Variants in DMD observed in about 807,000 individuals in gnomAD.
DMD encodes mutant dystrophin.
A neutral mutation model predicts 330.1 loss-of-function variants in DMD; 63 were observed. The observed-to-expected ratio is 0.19, with a 90% CI of 0.16 to 0.24. The LOEUF is 0.24. Among genes scored for constraint, DMD ranks in the 10% least tolerant of loss-of-function variants. The pLI, the probability that DMD is intolerant of heterozygous loss-of-function variation, is 1.00. For missense variants in DMD, 3,344 were observed against 2,684.1 expected, an observed-to-expected ratio of 1.25 and a Z score of -5.43; for synonymous variants, 1,223 against 959.8, an observed-to-expected ratio of 1.27 and a Z score of -5.07.
chrX:33,336,739 A>G (rs1202211567), intron 1 of DMD, among the ~76,000 whole-genome samples: 2 of 111,200 alleles, frequency 1.8e-5, no homozygotes, highest in Non-Finnish European at 1.9e-5. Context: ...CACACCTTCT[A>G]TTTTTATGCA....
intron 39 of DMD, among the ~76,000 whole-genome samples, chrX:32,344,802 T>A (rs916925573): frequency 8.9e-6 from 1 of 111,957 alleles, no homozygotes; most frequent in Non-Finnish European, 1.9e-5. Flanking sequence ...ACGACCAGTG[T>A]AGATACTTCT....
At chrX:32,356,862 C>G (rs967782790) in intron 37 of DMD, among the ~76,000 whole-genome samples, 12 of 111,489 alleles carry the variant, frequency 1.1e-4, no homozygotes, top group African/African-American at 3.9e-4. Context: ...AAAAATATAA[C>G]TTGATGCATA....
chrX:32,968,166 T>C (rs754086084), intron 2 of DMD, among the ~76,000 whole-genome samples: 95 of 112,098 alleles, frequency 8.5e-4, no homozygotes, highest in Non-Finnish European at 1.6e-3. Context: ...CTGCTAATGA[T>C]ATTCTTCACC....
At chrX:32,583,915 T>C (rs2053937373) in intron 13 of DMD, among the ~76,000 whole-genome samples, 1 of 111,289 alleles carries the variant, frequency 9.0e-6, no homozygotes, top group Non-Finnish European at 1.9e-5. Context: ...ATTTTTAAAC[T>C]GAGGACAAAA....
intron 12 of DMD, among the ~76,000 whole-genome samples, chrX:32,604,463 G>A (rs980910180): frequency 1.6e-4 from 18 of 109,412 alleles, no homozygotes; most frequent in African/African-American, 5.3e-4. Flanking sequence ...GGAACATGTT[G>A]AGAGCACCCC....
chrX:31,462,918 A>C (rs12011023), intron 59 of DMD, among the ~76,000 whole-genome samples: 26,710 of 111,192 alleles, frequency 0.24, 2,922 homozygotes, highest in African/African-American at 0.42. Context: ...AAAGCCTGCA[A>C]AAACTGGGCA....
chrX:32,464,841 TA>T (rs1284787488), intron 23 of DMD, 142 bp from the exon 24 acceptor site: 2 of 492,304 alleles, frequency 4.1e-6, no homozygotes, highest in African/African-American at 4.7e-5. Flanking sequence ...AGGCAAAGAA[TA>T]TTTTTACTAA....
At chrX:32,762,973 T>G (rs1296295394) in intron 7 of DMD, among the ~76,000 whole-genome samples, 1 of 111,965 alleles carries the variant, frequency 8.9e-6, no homozygotes, top group Non-Finnish European at 1.9e-5. Context: ...TAAAAGCAGC[T>G]TTTATTTTTC....
At chrX:31,985,949 C>T (rs1603619136) in intron 44 of DMD, among the ~76,000 whole-genome samples, 1 of 111,958 alleles carries the variant, frequency 8.9e-6, no homozygotes, top group Non-Finnish European at 1.9e-5. Context: ...GAATTAACTA[C>T]TTATCCAGAT....
chrX:32,426,424 A>T (rs936389244), intron 29 of DMD, among the ~76,000 whole-genome samples: 1 of 111,989 alleles, frequency 8.9e-6, no homozygotes, highest in African/African-American at 3.2e-5. Context: ...TAAAACCACG[A>T]TAAGATGCCA....
chrX:31,255,754 T>C (rs1356354978), intron 63 of DMD, among the ~76,000 whole-genome samples: 1 of 105,125 alleles, frequency 9.5e-6, no homozygotes, highest in East Asian at 3.0e-4. Flanking sequence ...CTTAGACACT[T>C]GTCCAATATC....
At chrX:32,741,109 C>T (rs1569503613) in intron 7 of DMD, among the ~76,000 whole-genome samples, 1 of 111,377 alleles carries the variant, frequency 9.0e-6, no homozygotes. Flanking sequence ...GTGATTTATG[C>T]TCAATGTCAT....
At chrX:31,176,533 G>A (rs1438217407) in intron 71 of DMD, among the ~76,000 whole-genome samples, 10 of 110,972 alleles carry the variant, frequency 9.0e-5, no homozygotes, top group Non-Finnish European at 1.5e-4. Flanking sequence ...CATATTTGTC[G>A]TTTGGATTTC....
chrX:31,177,844 G>T, intron 71 of DMD, 88 bp downstream of exon 71: 2 of 874,004 alleles, frequency 2.3e-6, no homozygotes, highest in Non-Finnish European at 3.3e-6. Context: ...CAAAACAAAA[G>T]AAAACAAACA....
intron 44 of DMD, among the ~76,000 whole-genome samples, chrX:32,132,806 C>G (rs72626013): frequency 0.019 from 2,142 of 110,015 alleles, 109 homozygotes; most frequent in Admixed American, 0.14. Context: ...TCATTGAATA[C>G]CCTTAGAGTT....
intron 41 of DMD, among the ~76,000 whole-genome samples, chrX:32,314,340 C>T (rs766313596): frequency 9.0e-5 from 10 of 111,121 alleles, no homozygotes; most frequent in Non-Finnish European, 1.9e-4. Context: ...AACTGGCTGG[C>T]CATATGCAGA....
chrX:32,031,196 T>C (rs2095880108), intron 44 of DMD, among the ~76,000 whole-genome samples: 1 of 111,804 alleles, frequency 8.9e-6, no homozygotes, highest in South Asian at 3.7e-4. Context: ...CTTGTGTCTG[T>C]CAGCCTTATT....
chrX:32,070,884 A>T (rs878991175), intron 44 of DMD, among the ~76,000 whole-genome samples: 1 of 111,203 alleles, frequency 9.0e-6, no homozygotes, highest in Non-Finnish European at 1.9e-5. Flanking sequence ...TACTCGTGTG[A>T]TGGGTGCACC....
chrX:32,377,412 G>T (rs1347546516), intron 34 of DMD, among the ~76,000 whole-genome samples: 1 of 111,698 alleles, frequency 9.0e-6, no homozygotes, highest in East Asian at 2.8e-4. Flanking sequence ...AGTTGTCGAT[G>T]GTGAGTTTTC....
Sources: gnomAD v4.1 joint callset for allele counts (sites outside exome capture counted in the v4.1 genomes callset) on GRCh38, gnomAD v4.1.1 for gene constraint, MANE v1.5 for transcripts, NCBI Gene and HGNC (gene_info 2026-07-23, HGNC 2026-07-21) for gene names.